COL26A1: variants seen among roughly 807,000 people sequenced by gnomAD.
COL26A1 encodes the protein collagen type XXVI alpha 1 chain.
COL26A1 carries 41 observed loss-of-function variants against 59.3 expected under a neutral mutation model. That is an observed-to-expected ratio of 0.69 (90% confidence interval 0.54 to 0.90). COL26A1 has a LOEUF of 0.90. Ranked by LOEUF, COL26A1 falls within the 40% of genes least tolerant of loss-of-function variation. The probability of loss-of-function intolerance (pLI) is 0.00; values close to 1 mark genes in which losing one functional copy is unlikely to be tolerated. For synonymous variants in COL26A1, 266 were observed against 256.0 expected (o/e 1.04, Z -0.37); for missense variants, 612 against 602.3 (o/e 1.02, Z -0.17).
intron 3 of COL26A1, among the ~76,000 whole-genome samples, chr7:101,454,404 G>A (rs905354581): frequency 2.0e-5 from 3 of 151,422 alleles, no homozygotes; most frequent in Admixed American, 1.3e-4. Context: ...GATTACAGGT[G>A]CCCGCCACCA....
chr7:101,376,407 G>C (rs1457377798), intron 1 of COL26A1, among the ~76,000 whole-genome samples: 1 of 152,138 alleles, frequency 6.6e-6, no homozygotes, highest in Admixed American at 6.5e-5. Context: ...GTGTCTTTCA[G>C]ACTGCACACC....
intron 4 of COL26A1, among the ~76,000 whole-genome samples, chr7:101,533,765 G>A (rs894970840): frequency 2.0e-5 from 3 of 151,678 alleles, no homozygotes; most frequent in African/African-American, 2.4e-5. Context: ...TCTGGGAGAC[G>A]GTGGTTTTGA....
chr7:101,387,375 A>AAG (rs1342456278), intron 1 of COL26A1, among the ~76,000 whole-genome samples: 1 of 45,144 alleles, frequency 2.2e-5, no homozygotes, highest in Non-Finnish European at 6.2e-5. Context: ...CGACACACTG[A>AAG]AAAAAAAAAA....
chr7:101,513,449 C>G (rs1468829932), intron 3 of COL26A1, among the ~76,000 whole-genome samples: 3 of 152,176 alleles, frequency 2.0e-5, no homozygotes, highest in African/African-American at 7.2e-5. Flanking sequence ...GCCTCAGCCT[C>G]CTGAGTAGCT....
At chr7:101,397,262 G>C (rs549103849) in intron 1 of COL26A1, among the ~76,000 whole-genome samples, 27 of 152,236 alleles carry the variant, frequency 1.8e-4, no homozygotes, top group African/African-American at 6.3e-4. Context: ...CTTTTCAGCT[G>C]TCTCAGGCCA....
intron 1 of COL26A1, among the ~76,000 whole-genome samples, chr7:101,405,040 G>A (rs1308300057): frequency 8.5e-5 from 13 of 152,152 alleles, no homozygotes; most frequent in Middle Eastern, 3.4e-3. Context: ...TGGCTAACAC[G>A]GTGAAACCCC....
intron 3 of COL26A1, among the ~76,000 whole-genome samples, chr7:101,466,837 T>TGTGTGTGAGA (rs764059657): frequency 0.08 from 9,743 of 122,134 alleles, 436 homozygotes; most frequent in Non-Finnish European, 0.1. Flanking sequence ...TGTGTGTGTG[T>TGTGTGTGAGA]GAGAGAGAGA....
rs1322036412 is a variant in COL26A1 at position 101,557,377 on chromosome 7, G to T, written c.1173G>T (p.Leu391=). The change falls in exon 13 of 13, where the codon CTG becomes CTT. Residue 391 remains leucine, a synonymous_variant. Coordinates refer to ENST00000313669, the MANE Select transcript of COL26A1 (RefSeq NM_001278563.3). Reference sequence around the variant, plus strand: ...CTCCTGCTCTCCTTCCAGATCCCCTGGCCTCCCCAGAGGGAGGTTCTGGCC... The same window carrying T: ...CTCCTGCTCTCCTTCCAGATCCCCTTGCCTCCCCAGAGGGAGGTTCTGGCC... ...LEHMIGIHDP[L]ASPEGGSGQD... The T allele has an allele frequency of 5.0e-6, 8 of 1,612,800 alleles. No individual in the cohort carries two copies. The highest frequency in any genetic ancestry group is 6.8e-6 in the Non-Finnish European group (8 of 1,179,130).
At chr7:101,510,017 C>T (rs1352334402) in intron 3 of COL26A1, among the ~76,000 whole-genome samples, 1 of 131,270 alleles carries the variant, frequency 7.6e-6, no homozygotes, top group South Asian at 2.2e-4. Context: ...CATAAGCCAT[C>T]GCGCCCAGTC....
In COL26A1 at chr7:101,494,740, C is replaced by G. The variant is rs1310574750; in HGVS notation, c.386-38342C>G. Among the ~76,000 whole-genome samples the G allele has an allele frequency of 3.3e-5, 5 of 152,248 alleles. No homozygotes were observed. In the East Asian group the frequency reaches 9.6e-4, roughly 29 times the overall value. ...AAGCCACAGCAGGGGGCCCAGCCCG[C>G]TCCTCCTCCAGTCCCAGCTCTTCCA... On this transcript the variant is annotated intron_variant, in intron 3 of 12. Coordinates refer to ENST00000313669, the MANE Select transcript of COL26A1 (RefSeq NM_001278563.3).
Position 101,363,058 on chromosome 7 carries a change from G to C in COL26A1, c.26G>C (p.Trp9Ser). 6.3e-7 allele frequency: 1 copy of C among 1,582,564 alleles called. No homozygotes were observed. Residue 9 changes from tryptophan to serine, a missense_variant, in exon 1 of 13, where the codon TGG (tryptophan) becomes TCG (serine). Coordinates refer to ENST00000313669, the MANE Select transcript of COL26A1 (RefSeq NM_001278563.3). ...ATGAAGCTGGCCCTGCTCCTGCCCT[G>C]GGCGTGTTGCTGCCTCTGCGGGTCG... MKLALLLP[W>S]ACCCLCGSAL...
chr7:101,515,096 T>C (rs1487578754), intron 3 of COL26A1, among the ~76,000 whole-genome samples: 1 of 152,216 alleles, frequency 6.6e-6, no homozygotes, highest in East Asian at 1.9e-4. Flanking sequence ...GCAGGAGCTT[T>C]CCTGGTTGCT....
intron 3 of COL26A1, among the ~76,000 whole-genome samples, chr7:101,452,081 G>A (rs1193213924): frequency 6.6e-6 from 1 of 152,172 alleles, no homozygotes; most frequent in African/African-American, 2.4e-5. Flanking sequence ...AATGCATAGT[G>A]AGCGGTAACT....
intron 1 of COL26A1, among the ~76,000 whole-genome samples, chr7:101,379,828 G>A (rs191643152): frequency 1.3e-3 from 202 of 152,308 alleles, no homozygotes; most frequent in Admixed American, 3.7e-3. Context: ...AAATGCCTTG[G>A]CAATGTCAGG....
chr7:101,509,002 A>C (rs1794867779), intron 3 of COL26A1, among the ~76,000 whole-genome samples: 1 of 152,160 alleles, frequency 6.6e-6, no homozygotes, highest in African/African-American at 2.4e-5. Context: ...CTTGGCTCAC[A>C]GTTCTGCAAG....
At chr7:101,446,859 A>T (rs1584414946) in intron 2 of COL26A1, among the ~76,000 whole-genome samples, 2 of 151,658 alleles carry the variant, frequency 1.3e-5, no homozygotes, top group African/African-American at 4.8e-5. Flanking sequence ...CTAAAAAAAA[A>T]AAAAAGAGAG....
At chr7:101,429,371 G>C (rs982414430) in intron 2 of COL26A1, among the ~76,000 whole-genome samples, 9 of 152,094 alleles carry the variant, frequency 5.9e-5, no homozygotes, top group East Asian at 1.9e-4. Flanking sequence ...AGCACCATTT[G>C]TTGAAGACGT....
intron 3 of COL26A1, among the ~76,000 whole-genome samples, chr7:101,485,788 G>A (rs1794255106): frequency 6.6e-6 from 1 of 152,152 alleles, no homozygotes; most frequent in South Asian, 2.1e-4. Flanking sequence ...AGAGGGCTGA[G>A]ATGAGCCGAG....
intron 3 of COL26A1, among the ~76,000 whole-genome samples, chr7:101,481,982 GATT>G (rs1354645962): frequency 6.6e-6 from 1 of 151,262 alleles, no homozygotes; most frequent in Non-Finnish European, 1.5e-5. Flanking sequence ...TAACAATAAT[GATT>G]ATTATTACAC....
Sources: allele counts gnomAD v4.1 joint callset (sites outside exome capture counted in the v4.1 genomes callset), GRCh38; gene constraint gnomAD v4.1.1; transcripts MANE v1.5; gene names NCBI Gene and HGNC (gene_info 2026-07-23, HGNC 2026-07-21).